The following OTOGL variants were observed in gnomAD, a reference collection of about 807,000 sequenced individuals.
OTOGL encodes the protein otogelin-like protein.
OTOGL carries 285 observed loss-of-function variants against 318.5 expected under a neutral mutation model. That is an observed-to-expected ratio of 0.89 (90% CI 0.81 to 0.99). OTOGL has a LOEUF of 0.99. Among genes scored for constraint, OTOGL ranks in the 50% least tolerant of loss-of-function variants. The pLI, the probability that OTOGL is intolerant of heterozygous loss-of-function variation, is 0.00. For missense variants in OTOGL, 2,899 were observed against 2,845.6 expected (o/e 1.02, Z -0.43); for synonymous variants, 987 against 936.5 (o/e 1.05, Z -0.99).
At chr12:80,201,280 C>T (rs907253187) in intron 1 of OTOGL, among the ~76,000 whole-genome samples, 5 of 152,246 alleles carry the variant, frequency 3.3e-5, no homozygotes, top group Middle Eastern at 3.4e-3. Context: ...AGGCTTATTT[C>T]GCTCTTGGTT....
chr12:80,356,443 G>A lies in OTOGL; in HGVS notation c.5834G>A (p.Ser1945Asn), dbSNP rs1259370624. 1.9e-6 allele frequency: 3 copies of A among 1,611,370 alleles called. No individual in the cohort carries two copies. The highest frequency in any genetic ancestry group is 1.3e-5 in the African/African-American group (1 of 74,904). Residue 1945 changes from serine to asparagine, a missense_variant, in exon 48 of 59, where the codon AGC (serine) becomes AAC (asparagine). Physicochemically the swap from Ser to Asn is conservative, Grantham distance 46. Coordinates refer to ENST00000547103, the MANE Select transcript of OTOGL (RefSeq NM_001378609.3). Reference sequence around the variant, plus strand: ...TGTGACACGACTTTGTGTGAAACTAGCATTCCAACATGTACAAATAGTCAA... The same window carrying A: ...TGTGACACGACTTTGTGTGAAACTAACATTCCAACATGTACAAATAGTCAA... ...CGCDTTLCETSIPTCTNSQKL... is the reference protein window; with the variant it reads ...CGCDTTLCETNIPTCTNSQKL...
rs114809146 is a variant in OTOGL, at chr12:80,253,246, C to T, written c.1286-220C>T. On this transcript the variant is annotated intron_variant, in intron 13 of 58. Transcript: ENST00000547103. Reference sequence around the variant, plus strand: ...ATGGTGAACCTTGAGTTTTTGATGGCAAGTCATGGGATAAGAAAATTGAAA... The same window carrying T: ...ATGGTGAACCTTGAGTTTTTGATGGTAAGTCATGGGATAAGAAAATTGAAA... Among the ~76,000 whole-genome samples the T allele has an allele frequency of 1.9e-3, 288 of 152,126 alleles. 2 individuals are homozygous for T. The highest frequency in any genetic ancestry group is 6.8e-3 in the African/African-American group (281 of 41,502).
intron 1 of OTOGL, among the ~76,000 whole-genome samples, chr12:80,115,507 A>T (rs1316434187): frequency 6.6e-6 from 1 of 152,008 alleles, no homozygotes; most frequent in Non-Finnish European, 1.5e-5. Flanking sequence ...GTGTCTCCCC[A>T]TCAGTAGGCA....
chr12:80,211,858 C>A, intron 3 of OTOGL, 91 bp from the exon 4 acceptor site: 1 of 1,023,436 alleles, frequency 9.8e-7, no homozygotes, highest in Non-Finnish European at 1.4e-6. Context: ...TGATGGAAAT[C>A]AGGAGGAAAA....
intron 55 of OTOGL, among the ~76,000 whole-genome samples, chr12:80,369,734 A>C (rs370180835): frequency 1.3e-5 from 2 of 152,172 alleles, no homozygotes; most frequent in East Asian, 3.9e-4. Flanking sequence ...AATTTAAAGT[A>C]AAATCTATGA....
intron 1 of OTOGL, among the ~76,000 whole-genome samples, chr12:80,126,411 G>A (rs1464922297): frequency 6.6e-6 from 1 of 152,122 alleles, no homozygotes; most frequent in Non-Finnish European, 1.5e-5. Flanking sequence ...GAGACAGTTT[G>A]TTATAATCTC....
Position 80,302,701 on chromosome 12 carries a change from T to G in OTOGL, c.3131T>G (p.Val1044Gly). ...YQLWKAGYYIVVYFPEKDITI... is the reference protein window; with the variant it reads ...YQLWKAGYYIGVYFPEKDITI... ...CTTTGGAAGGCTGGTTACTATATAG[T>G]AGTATACTTTCCAGAGAAAGATATC... is the stretch of plus-strand genomic sequence containing the variant. Residue 1044 changes from valine (V) to glycine (G), a missense_variant, in exon 28 of 59, where the codon GTA becomes GGA. Around this residue, in one of 3 missense-constraint regions of OTOGL, gnomAD observed 2,607 missense variants for 2,524.9 expected, o/e 1.03. Transcript: ENST00000547103. 1 of 1,531,514 alleles carries G rather than the reference T, an allele frequency of 6.5e-7. No homozygotes were observed. The highest frequency in any genetic ancestry group is 2.3e-5 in the East Asian group (1 of 42,874). 94.9% of individuals were successfully genotyped at this position (1,531,514 alleles called of 1,614,324 possible). A position where few individuals can be genotyped will look rare whatever the true frequency, so the allele number is the denominator to read the frequency against.
intron 1 of OTOGL, among the ~76,000 whole-genome samples, chr12:80,146,994 T>C (rs1393361946): frequency 6.6e-6 from 1 of 152,122 alleles, no homozygotes; most frequent in Admixed American, 6.5e-5. Context: ...GTTGATCCTT[T>C]CAAAAAACCA....
chr12:80,257,260 G>C (rs559979622), intron 17 of OTOGL, among the ~76,000 whole-genome samples: 1 of 151,348 alleles, frequency 6.6e-6, no homozygotes, highest in African/African-American at 2.4e-5. Flanking sequence ...GCAATCTCAC[G>C]GTTCAACCAA....
At chr12:80,130,564 G>C (rs1871176114) in intron 1 of OTOGL, among the ~76,000 whole-genome samples, 2 of 152,318 alleles carry the variant, frequency 1.3e-5, no homozygotes, top group South Asian at 4.1e-4. Context: ...CAGGGGACTA[G>C]GGTGAGCAAT....
chr12:80,165,078 A>C (rs1592510273), intron 1 of OTOGL, among the ~76,000 whole-genome samples: 1 of 152,164 alleles, frequency 6.6e-6, no homozygotes, highest in African/African-American at 2.4e-5. Context: ...AAATAGTCTC[A>C]TGATAGCGCT....
intron 34 of OTOGL, among the ~76,000 whole-genome samples, chr12:80,322,891 G>T (rs970864369): frequency 6.6e-6 from 1 of 152,120 alleles, no homozygotes; most frequent in Non-Finnish European, 1.5e-5. Context: ...AATGTATTTG[G>T]TCTTGCCATT....
intron 1 of OTOGL, among the ~76,000 whole-genome samples, chr12:80,105,603 C>T (rs1454437521): frequency 6.6e-6 from 1 of 151,936 alleles, no homozygotes; most frequent in Non-Finnish European, 1.5e-5. Flanking sequence ...TGCTTTTAGC[C>T]CAGTCTATAT....
intron 24 of OTOGL, among the ~76,000 whole-genome samples, chr12:80,276,042 C>T (rs1182447796): frequency 6.6e-6 from 1 of 151,708 alleles, no homozygotes; most frequent in Non-Finnish European, 1.5e-5. Context: ...CTCTGAAATA[C>T]ACCTATAATT....
intron 1 of OTOGL, among the ~76,000 whole-genome samples, chr12:80,162,333 T>C (rs1873567474): frequency 6.6e-6 from 1 of 152,186 alleles, no homozygotes; most frequent in Non-Finnish European, 1.5e-5. Context: ...ACTTTGTTTA[T>C]AGGCAAATGC....
intron 30 of OTOGL, among the ~76,000 whole-genome samples, chr12:80,312,467 C>A (rs761411953): frequency 3.2e-4 from 49 of 152,050 alleles, no homozygotes; most frequent in Non-Finnish European, 2.4e-4. Context: ...TTTTTAATGT[C>A]TAATAGAGTA....
In OTOGL at chr12:80,337,007, A is replaced by G. The variant is rs1888456515; in HGVS notation, c.4860+3A>G. On this transcript the variant is annotated splice_donor_region_variant and intron_variant, in intron 42 of 58. Coordinates refer to ENST00000547103, the MANE Select transcript of OTOGL (RefSeq NM_001378609.3). ...TTGTCAATCGGTTGGCAAGAAAGGT[A>G]AGAATACAAAGTTAAAATTTTTTCT... is the stretch of plus-strand genomic sequence containing the variant. 6.4e-7 allele frequency: 1 copy of G among 1,552,584 alleles called. No homozygotes were observed. Among genetic ancestry groups the G allele is most frequent in the Non-Finnish European group, 8.8e-7 (1 of 1,142,506 alleles).
At chr12:80,320,866 C>T (rs966294462) in intron 34 of OTOGL, among the ~76,000 whole-genome samples, 166 bp downstream of exon 34, 3 of 152,076 alleles carry the variant, frequency 2.0e-5, no homozygotes, top group South Asian at 4.1e-4. Flanking sequence ...CTCCAATATA[C>T]GTATTGGAGA....
chr12:80,204,454 C>A (rs1876674849), intron 1 of OTOGL, among the ~76,000 whole-genome samples: 1 of 151,988 alleles, frequency 6.6e-6, no homozygotes, highest in African/African-American at 2.4e-5. Flanking sequence ...ATAATTGGAT[C>A]CAAGTATAGC....
Sources: gnomAD v4.1 joint callset for allele counts (sites outside exome capture counted in the v4.1 genomes callset) on GRCh38, gnomAD v4.1.1 for gene constraint, gnomAD v4.1.1 regional missense constraint, MANE v1.5 for transcripts, NCBI Gene and HGNC (gene_info 2026-07-23, HGNC 2026-07-21) for gene names.